Variants in KPNA6 observed in about 807,000 individuals in gnomAD.
The protein encoded by KPNA6 is importin subunit alpha-7.
In KPNA6, 9 loss-of-function variants were observed where a neutral mutation model predicts 72.0. The observed-to-expected ratio is 0.13, with a 90% CI of 0.08 to 0.22. The LOEUF (loss-of-function observed/expected upper bound fraction) is 0.22. Ranked by LOEUF, KPNA6 falls within the 10% of genes least tolerant of loss-of-function variation. The pLI is 1.00. For missense variants in KPNA6, 374 were observed against 655.7 expected (o/e 0.57, Z 4.69); for synonymous variants, 219 against 242.1 (o/e 0.90, Z 0.89).
In KPNA6 at chr1:32,122,223, G is replaced by A. The variant is rs539778241; in HGVS notation, c.4+14089G>A. On this transcript the variant is annotated intron_variant, in intron 1 of 13. Coordinates refer to ENST00000373625, the MANE Select transcript of KPNA6 (RefSeq NM_012316.5). ...CAAGAGGCAGAGGTTGCAGTGAGCC[G>A]AGATCATATCATTGCACTCCAGCCT... is the stretch of plus-strand genomic sequence containing the variant. Among the ~76,000 whole-genome samples, 4 of 152,118 alleles carry A rather than the reference G, an allele frequency of 2.6e-5. No homozygotes were observed. The East Asian group carries it at 7.7e-4, about 29-fold the overall frequency.
chr1:32,172,904 T>C lies in KPNA6; in HGVS notation c.*2010T>C. 1 of 395,294 alleles carries C rather than the reference T, an allele frequency of 2.5e-6. No homozygotes were observed. The highest frequency in any genetic ancestry group is 4.5e-6 in the Non-Finnish European group (1 of 224,642). The allele number at this position is 395,294 out of a possible 1,614,324, so 24.5% of individuals were successfully genotyped here. The stretch of plus-strand genomic sequence containing the variant: ...GCCCTTCTGCTTATAGACCTAAAGT[T>C]CAGGTACTTATTATTGGCCATTGAT... On this transcript the variant is annotated 3_prime_UTR_variant, in exon 14 of 14. Coordinates refer to ENST00000373625, the MANE Select transcript of KPNA6 (RefSeq NM_012316.5).
At chr1:32,128,886 G>A (rs1178600158) in intron 1 of KPNA6, among the ~76,000 whole-genome samples, 1 of 152,112 alleles carries the variant, frequency 6.6e-6, no homozygotes, top group East Asian at 1.9e-4. Flanking sequence ...CAAAGTACTT[G>A]GGTATATATT....
intron 1 of KPNA6, among the ~76,000 whole-genome samples, chr1:32,119,270 A>T (rs1191410720): frequency 6.6e-6 from 1 of 151,694 alleles, no homozygotes; most frequent in Non-Finnish European, 1.5e-5. Flanking sequence ...ACCTCAGGTT[A>T]TCCGCCTGCC....
intron 2 of KPNA6, among the ~76,000 whole-genome samples, chr1:32,155,315 CT>C (rs892067452): frequency 9.8e-5 from 14 of 142,246 alleles, no homozygotes; most frequent in East Asian, 2.0e-4. Flanking sequence ...CTTTTCTTTT[CT>C]TTTTTTTTTC....
intron 1 of KPNA6, among the ~76,000 whole-genome samples, chr1:32,128,987 T>A (rs1641589180): frequency 6.6e-6 from 1 of 152,274 alleles, no homozygotes; most frequent in African/African-American, 2.4e-5. Context: ...TGCACAATTA[T>A]TAAGTAGCAA....
chr1:32,161,481 C>T (rs769607931), intron 7 of KPNA6, among the ~76,000 whole-genome samples: 1 of 152,224 alleles, frequency 6.6e-6, no homozygotes, highest in Non-Finnish European at 1.5e-5. Flanking sequence ...AACTGTTCTT[C>T]AGAGACCACA....
At chr1:32,115,029 A>G (rs773357480) in intron 1 of KPNA6, among the ~76,000 whole-genome samples, 1 of 152,070 alleles carries the variant, frequency 6.6e-6, no homozygotes. Context: ...TTATAGAGAC[A>G]GTGTTTCGCC....
intron 1 of KPNA6, among the ~76,000 whole-genome samples, chr1:32,140,865 A>T (rs1641824486): frequency 6.6e-6 from 1 of 152,240 alleles, no homozygotes; most frequent in Non-Finnish European, 1.5e-5. Context: ...AAGACAGCAA[A>T]ATTTAAGCCA....
chr1:32,112,252 TATA>T (rs1048257111), intron 1 of KPNA6, among the ~76,000 whole-genome samples: 5 of 152,114 alleles, frequency 3.3e-5, no homozygotes, highest in Admixed American at 6.6e-5. Context: ...ATGGGAAAGC[TATA>T]ATAATAATAA....
At position 32,167,229 on chromosome 1, in the gene KPNA6, C is replaced by T. The variant is rs1324183850; in HGVS notation, c.1177C>T (p.Arg393Cys). The part of the protein sequence containing the change: ...LIEILQKAEF[R>C]TRKEAAWAIT... ...CGAAATCCTTCAGAAAGCAGAGTTT[C>T]GTACAAGGAAAGAGGCAGCCTGGGC... The change falls in exon 12 of 14, where the codon CGT becomes TGT. Residue 393 changes from arginine to cysteine, a missense_variant. Transcript: ENST00000373625. 4 of 1,613,868 alleles carry T rather than the reference C, an allele frequency of 2.5e-6. No individual in the cohort carries two copies. Among genetic ancestry groups the T allele is most frequent in the Non-Finnish European group, 2.5e-6 (3 of 1,179,934 alleles).
intron 1 of KPNA6, among the ~76,000 whole-genome samples, chr1:32,109,572 A>C (rs1199728309): frequency 6.6e-6 from 1 of 150,886 alleles, no homozygotes; most frequent in Non-Finnish European, 1.5e-5. Flanking sequence ...AAAGTTGTAA[A>C]TGTGTTTGGG....
intron 1 of KPNA6, among the ~76,000 whole-genome samples, chr1:32,124,662 A>G (rs1641500511): frequency 6.6e-6 from 1 of 151,352 alleles, no homozygotes; most frequent in Non-Finnish European, 1.5e-5. Context: ...CCCCGCCACC[A>G]TGCCTGGCTA....
At chr1:32,152,882 C>T (rs533898793) in intron 1 of KPNA6, among the ~76,000 whole-genome samples, 7 of 148,646 alleles carry the variant, frequency 4.7e-5, no homozygotes, top group South Asian at 2.2e-4. Flanking sequence ...ATTAGCCCTG[C>T]GTGCACACCT....
Position 32,170,079 on chromosome 1 carries a change from A to T in KPNA6, c.1423+19A>T. The stretch of plus-strand genomic sequence containing the variant: ...GCCTATGGTATGTGCCCTCTCCTCA[A>T]TCTAGGTCAGAACCTGAGACTGTAG... On this transcript the variant is annotated intron_variant, in intron 13 of 13. Coordinates refer to ENST00000373625, the MANE Select transcript of KPNA6 (RefSeq NM_012316.5). The T allele has an allele frequency of 6.2e-7, 1 of 1,607,010 alleles. No individual in the cohort carries two copies. Among genetic ancestry groups the T allele is most frequent in the South Asian group, 1.1e-5 (1 of 90,778 alleles).
rs142027315 is a variant in KPNA6 at position 32,166,909 on chromosome 1, G to A, written c.1117-260G>A. Reference sequence around the variant, plus strand: ...GCCGAGATCGCGCCACTGCACTCCAGCCTGGGTGACAGAGCAAGACTGTCT... The same window carrying A: ...GCCGAGATCGCGCCACTGCACTCCAACCTGGGTGACAGAGCAAGACTGTCT... On this transcript the variant is annotated intron_variant, in intron 11 of 13. Transcript: ENST00000373625. 9.5e-3 allele frequency among the ~76,000 whole-genome samples: 1,441 copies of A among 152,254 alleles called. 18 individuals are homozygous for A. The highest frequency in any genetic ancestry group is 0.032 in the African/African-American group (1,326 of 41,522).
At chr1:32,157,069 C>A in intron 3 of KPNA6, 124 bp downstream of exon 3, 1 of 689,950 alleles carries the variant, frequency 1.4e-6, no homozygotes, top group Non-Finnish European at 2.5e-6. Context: ...CCTCTGTGGA[C>A]CCTTTCGTCA....
intron 1 of KPNA6, among the ~76,000 whole-genome samples, chr1:32,138,990 T>C (rs913040877): frequency 2.0e-5 from 3 of 152,154 alleles, no homozygotes; most frequent in Non-Finnish European, 2.9e-5. Context: ...TGTAGTCTGC[T>C]TTTGGAGGGT....
At chr1:32,122,872 G>A (rs757247202) in intron 1 of KPNA6, among the ~76,000 whole-genome samples, 1 of 150,874 alleles carries the variant, frequency 6.6e-6, no homozygotes, top group Non-Finnish European at 1.5e-5. Context: ...TAGGACAGTC[G>A]CTTGAACCTG....
At chr1:32,157,477 T>C (rs1212599730) in intron 4 of KPNA6, 32 bp downstream of exon 4, 1 of 1,476,038 alleles carries the variant, frequency 6.8e-7, no homozygotes, top group Non-Finnish European at 9.5e-7. Context: ...AGAGAGGCCT[T>C]ATATGATTTA....
Sources: allele counts gnomAD v4.1 joint callset (sites outside exome capture counted in the v4.1 genomes callset), GRCh38; gene constraint gnomAD v4.1.1; transcripts MANE v1.5; gene names NCBI Gene and HGNC (gene_info 2026-07-23, HGNC 2026-07-21).